SHROOM3: variants seen among roughly 807,000 people sequenced by gnomAD.
SHROOM3 encodes shroom family member 3.
A neutral mutation model predicts 138.6 loss-of-function variants in SHROOM3; 47 were observed. The ratio of observed to expected loss-of-function variants is 0.34; its 90% confidence interval spans 0.27 to 0.43. SHROOM3 has a LOEUF of 0.43. Ranked by LOEUF, SHROOM3 falls within the 20% of genes least tolerant of loss-of-function variation. SHROOM3 has a pLI of 1.00. For synonymous variants in SHROOM3, 1,062 were observed against 1,063.3 expected (o/e 1.00, Z 0.02); for missense variants, 2,491 against 2,596.5 (o/e 0.96, Z 0.88).
chr4:76,445,095 C>CAAAAAAAAAA (rs35001806), intron 1 of SHROOM3, among the ~76,000 whole-genome samples: 1 of 119,586 alleles, frequency 8.4e-6, no homozygotes. Flanking sequence ...GACATTGTCT[C>CAAAAAAAAAA]AAAAAAAAAA....
chr4:76,755,690 G>T (rs1023383383), intron 7 of SHROOM3, among the ~76,000 whole-genome samples: 3 of 152,084 alleles, frequency 2.0e-5, no homozygotes, highest in African/African-American at 7.3e-5. Flanking sequence ...AATATATACA[G>T]CCTTGAGGCA....
intron 2 of SHROOM3, chr4:76,573,458 C>A (rs1340022009): frequency 6.5e-6 from 1 of 152,838 alleles, no homozygotes; most frequent in Non-Finnish European, 1.5e-5. Flanking sequence ...TAAAAGCTCA[C>A]CTGGTCCAAT....
intron 2 of SHROOM3, among the ~76,000 whole-genome samples, chr4:76,599,785 G>A (rs1734465758): frequency 6.6e-6 from 1 of 152,132 alleles, no homozygotes; most frequent in African/African-American, 2.4e-5. Flanking sequence ...TGGAGTGCTT[G>A]GCATAGGACC....
At chr4:76,652,834 T>G (rs1308768826) in intron 2 of SHROOM3, among the ~76,000 whole-genome samples, 1 of 152,004 alleles carries the variant, frequency 6.6e-6, no homozygotes, top group African/African-American at 2.4e-5. Flanking sequence ...CACACACATA[T>G]ATAAAACATA....
chr4:76,675,560 GTATAT>G (rs992440453), intron 2 of SHROOM3, among the ~76,000 whole-genome samples: 24 of 152,068 alleles, frequency 1.6e-4, no homozygotes, highest in Non-Finnish European at 5.9e-5. Context: ...AAATCCTGGA[GTATAT>G]TATAAGTAGA....
intron 1 of SHROOM3, among the ~76,000 whole-genome samples, chr4:76,484,326 C>A (rs1731682356): frequency 6.6e-6 from 1 of 151,906 alleles, no homozygotes; most frequent in Admixed American, 6.6e-5. Context: ...CATCCCCGCA[C>A]TTTGAGAGGC....
chr4:76,730,842 C>T lies in SHROOM3; in HGVS notation c.494C>T (p.Thr165Ile). 1 of 1,614,104 alleles carries T rather than the reference C, an allele frequency of 6.2e-7. No homozygotes were observed. The highest frequency in any genetic ancestry group is 2.2e-5 in the East Asian group (1 of 44,854). The part of the protein sequence containing the change: ...EPAGRPHSWH[T>I]TKSGEKQPDA... ...GCAGGCCGACCTCACTCGTGGCACA[C>T]AACTAAATCTGGGGAGAAGCAACCC... The change falls in exon 4 of 11, where the codon ACA (threonine) becomes ATA (isoleucine). Residue 165 changes from threonine (T) to isoleucine (I), a missense_variant. This residue lies in a region of SHROOM3 where 284 missense variants were observed against 322.8 expected (regional missense o/e 0.88). Coordinates refer to ENST00000296043, the MANE Select transcript of SHROOM3 (RefSeq NM_020859.4).
chr4:76,487,804 C>A (rs573908405), intron 1 of SHROOM3, among the ~76,000 whole-genome samples: 1 of 152,274 alleles, frequency 6.6e-6, no homozygotes, highest in East Asian at 1.9e-4. Flanking sequence ...TTTCATTAGT[C>A]AACTCTCAAA....
At position 76,767,272 on chromosome 4, in the gene SHROOM3, T is replaced by C. The variant is rs534144531; in HGVS notation, c.5350-3354T>C. Among the ~76,000 whole-genome samples, 10 of 152,318 alleles carry C rather than the reference T, an allele frequency of 6.6e-5. No homozygotes were observed. In the South Asian group the frequency reaches 1.2e-3, roughly 19 times the overall value. On this transcript the variant is annotated intron_variant, in intron 9 of 10. Coordinates refer to ENST00000296043, the MANE Select transcript of SHROOM3 (RefSeq NM_020859.4). Reference sequence around the variant, plus strand: ...TGTTGACCTGAGTTCAGCAGAAAATTTGAAAGGATGAGTTCTCTCCTCTCA... The same window carrying C: ...TGTTGACCTGAGTTCAGCAGAAAATCTGAAAGGATGAGTTCTCTCCTCTCA...
intron 1 of SHROOM3, among the ~76,000 whole-genome samples, chr4:76,484,234 T>C (rs1472260607): frequency 1.3e-5 from 2 of 152,092 alleles, no homozygotes; most frequent in East Asian, 3.9e-4. Flanking sequence ...AATGCTAAAC[T>C]CATTATGAAC....
intron 2 of SHROOM3, among the ~76,000 whole-genome samples, chr4:76,563,653 T>C (rs536269853): frequency 2.6e-5 from 4 of 152,258 alleles, no homozygotes; most frequent in African/African-American, 9.6e-5. Flanking sequence ...CTGGGAAAGT[T>C]ATGACATCAA....
chr4:76,727,818 G>A (rs1230388128), intron 3 of SHROOM3, among the ~76,000 whole-genome samples: 5 of 145,918 alleles, frequency 3.4e-5, no homozygotes, highest in Admixed American at 1.5e-4. Flanking sequence ...AACCCAGGAG[G>A]TGGAAGTTGC....
intron 2 of SHROOM3, among the ~76,000 whole-genome samples, chr4:76,701,389 T>C (rs1282535589): frequency 6.6e-6 from 1 of 152,178 alleles, no homozygotes; most frequent in Admixed American, 6.5e-5. Flanking sequence ...AATTAGAGTA[T>C]GAGACCCTGC....
At chr4:76,732,071 A>G (rs1720903119) in intron 4 of SHROOM3, among the ~76,000 whole-genome samples, 1 of 152,172 alleles carries the variant, frequency 6.6e-6, no homozygotes, top group African/African-American at 2.4e-5. Flanking sequence ...GAACTAAGCC[A>G]GGACTCCCCT....
intron 1 of SHROOM3, among the ~76,000 whole-genome samples, chr4:76,507,350 C>T (rs1732232623): frequency 6.6e-6 from 1 of 152,146 alleles, no homozygotes; most frequent in African/African-American, 2.4e-5. Flanking sequence ...AAAGCAGCTG[C>T]ACCATTTTAC....
chr4:76,685,415 A>G (rs1304278814), intron 2 of SHROOM3, among the ~76,000 whole-genome samples: 1 of 152,230 alleles, frequency 6.6e-6, no homozygotes, highest in African/African-American at 2.4e-5. Context: ...ATGTTTTAAG[A>G]AAGTTCATGA....
Position 76,558,913 on chromosome 4 carries a change from G to A in SHROOM3, c.323+3150G>A, listed in dbSNP as rs181523972. ...CCTAATAGGGGCTTGGCTGCCAGGC[G>A]GCCAGAGATTCACATCCAGAAGCAA... On this transcript the variant is annotated intron_variant, in intron 2 of 10. Transcript: ENST00000296043. Among the ~76,000 whole-genome samples, 31 of 152,248 alleles carry A rather than the reference G, an allele frequency of 2.0e-4. No homozygotes were observed. The East Asian group carries it at 5.4e-3, about 27-fold the overall frequency.
At chr4:76,707,869 G>T (rs1416420009) in intron 2 of SHROOM3, among the ~76,000 whole-genome samples, 1 of 152,016 alleles carries the variant, frequency 6.6e-6, no homozygotes, top group Non-Finnish European at 1.5e-5. Flanking sequence ...GGAAAGGTGT[G>T]CTTGGTGTGC....
In SHROOM3 at chr4:76,493,904, G is replaced by A. The variant is rs746995545; in HGVS notation, c.168+57684G>A. Among the ~76,000 whole-genome samples the A allele has an allele frequency of 4.6e-5, 7 of 152,178 alleles. No individual in the cohort carries two copies. In the East Asian group the frequency reaches 1.2e-3, roughly 25 times the overall value. On this transcript the variant is annotated intron_variant, in intron 1 of 10. Transcript: ENST00000296043. ...TGAGGCAGGAGAATCGTTTGAAACCGGAAGGCAGAGGTTGCAGTGAGCTGA... is the reference window on the plus strand; with the variant it reads ...TGAGGCAGGAGAATCGTTTGAAACCAGAAGGCAGAGGTTGCAGTGAGCTGA...
Sources: allele counts gnomAD v4.1 joint callset (sites outside exome capture counted in the v4.1 genomes callset), GRCh38; gene constraint gnomAD v4.1.1; regional missense constraint gnomAD v4.1.1; transcripts MANE v1.5; gene names NCBI Gene and HGNC (gene_info 2026-07-23, HGNC 2026-07-21).